Variants in TNNI3K observed in about 807,000 individuals in gnomAD.
TNNI3K encodes the protein serine/threonine-protein kinase TNNI3K.
A neutral mutation model predicts 114.5 loss-of-function variants in TNNI3K; 140 were observed. The observed-to-expected ratio is 1.22, with a 90% confidence interval of 1.07 to 1.41. TNNI3K has a LOEUF of 1.41. TNNI3K is among the 40% of genes most tolerant of loss of function. The pLI is 0.00. For synonymous variants in TNNI3K, 347 were observed against 347.5 expected (o/e 1.00, Z 0.02); for missense variants, 1,125 against 1,007.6 (o/e 1.12, Z -1.58).
intron 23 of TNNI3K, among the ~76,000 whole-genome samples, chr1:74,514,690 T>G (rs116653424): frequency 0.014 from 2,070 of 152,236 alleles, 40 homozygotes; most frequent in African/African-American, 0.045. Context: ...AAGCCATGTG[T>G]GCTCTTTTTA....
rs1208408939 is a variant in TNNI3K, at chr1:74,518,651, G to C, written c.2352-21583G>C. ...ACTGTCAGTGCAGAGGCTTCATAAT[G>C]CATCGCTAATAGTGTTTTCAAAACA... On this transcript the variant is annotated intron_variant, in intron 23 of 24. Coordinates refer to ENST00000326637, the MANE Select transcript of TNNI3K (RefSeq NM_015978.3). Among the ~76,000 whole-genome samples, 9 of 152,144 alleles carry C rather than the reference G, an allele frequency of 5.9e-5. No individual in the cohort carries two copies. In the South Asian group the frequency reaches 1.7e-3, roughly 28 times the overall value.
rs1666788838 is a variant in TNNI3K at position 74,448,139 on chromosome 1, T to C, written c.2011+8517T>C. ...GTCGGGGGAGGGGGGAGGGATAGCATTGGGAGATATACCTAATGCTAGATG... is the reference window on the plus strand; with the variant it reads ...GTCGGGGGAGGGGGGAGGGATAGCACTGGGAGATATACCTAATGCTAGATG... On this transcript the variant is annotated intron_variant, in intron 20 of 24. Transcript: ENST00000326637. Among the ~76,000 whole-genome samples, 9 of 99,632 alleles carry C rather than the reference T, an allele frequency of 9.0e-5. No homozygotes were observed. In the South Asian group the frequency reaches 2.2e-3, roughly 25 times the overall value. 65.4% of individuals were successfully genotyped at this position (99,632 alleles called of 152,430 possible). A position where few individuals can be genotyped will look rare whatever the true frequency, so the allele number is the denominator to read the frequency against.
At chr1:74,481,168 A>G (rs1397135424) in intron 21 of TNNI3K, among the ~76,000 whole-genome samples, 1 of 152,192 alleles carries the variant, frequency 6.6e-6, no homozygotes, top group Non-Finnish European at 1.5e-5. Flanking sequence ...ATGGATTTTT[A>G]TATTCTTTGC....
chr1:74,350,582 T>G (rs1661284203), intron 9 of TNNI3K, among the ~76,000 whole-genome samples: 1 of 152,168 alleles, frequency 6.6e-6, no homozygotes, highest in Non-Finnish European at 1.5e-5. Context: ...AGTCTCCCAT[T>G]ATTATTGTAT....
chr1:74,261,093 T>C (rs889100171), intron 4 of TNNI3K, among the ~76,000 whole-genome samples: 1 of 152,118 alleles, frequency 6.6e-6, no homozygotes, highest in Non-Finnish European at 1.5e-5. Flanking sequence ...TTTTCTTTGC[T>C]GCTTCTTACC....
chr1:74,389,641 G>T (rs1170651993), intron 17 of TNNI3K, among the ~76,000 whole-genome samples: 1 of 151,972 alleles, frequency 6.6e-6, no homozygotes, highest in Admixed American at 6.6e-5. Context: ...ATGTAGGCTG[G>T]GCAAGATAAA....
At chr1:74,543,088 T>C (rs1646746672) in intron 24 of TNNI3K, among the ~76,000 whole-genome samples, 1 of 127,096 alleles carries the variant, frequency 7.9e-6, no homozygotes. Flanking sequence ...TTTTTTTTTT[T>C]TTTTTGAGAT....
At chr1:74,431,553 T>A (rs1209956593) in intron 17 of TNNI3K, among the ~76,000 whole-genome samples, 3 of 152,034 alleles carry the variant, frequency 2.0e-5, no homozygotes, top group African/African-American at 7.2e-5. Flanking sequence ...AGTCAGTAAT[T>A]GGTTGAGCTA....
At chr1:74,472,240 A>G in intron 21 of TNNI3K, 1 of 713,544 alleles carries the variant, frequency 1.4e-6, no homozygotes. Context: ...CACTTAGCAG[A>G]GTTTTATTAC....
At chr1:74,335,739 G>A (rs1660429307) in intron 6 of TNNI3K, among the ~76,000 whole-genome samples, 1 of 152,166 alleles carries the variant, frequency 6.6e-6, no homozygotes, top group Non-Finnish European at 1.5e-5. Context: ...GTGAACTTCA[G>A]TTTGTAATGG....
intron 17 of TNNI3K, chr1:74,416,669 T>G (rs970200150): frequency 1.5e-6 from 1 of 649,870 alleles, no homozygotes; most frequent in Non-Finnish European, 1.9e-6. Context: ...AATTGATTTT[T>G]TTTCTTATTC....
chr1:74,437,184 G>T (rs1001307090), intron 19 of TNNI3K, among the ~76,000 whole-genome samples: 5 of 151,772 alleles, frequency 3.3e-5, no homozygotes, highest in Non-Finnish European at 7.4e-5. Flanking sequence ...ACCTTTTCTG[G>T]ATGTCTCTTT....
At chr1:74,489,142 C>T in intron 21 of TNNI3K, 47 bp from the exon 22 acceptor site, 1 of 1,544,656 alleles carries the variant, frequency 6.5e-7, no homozygotes, top group Non-Finnish European at 8.8e-7. Context: ...AAGAGAGTCT[C>T]CTTCCTTTTA....
chr1:74,309,384 A>AAAAAAAG (rs1334601552), intron 5 of TNNI3K, among the ~76,000 whole-genome samples: 2 of 148,282 alleles, frequency 1.3e-5, no homozygotes, highest in African/African-American at 4.9e-5. Flanking sequence ...AAAAAAAAGA[A>AAAAAAAG]GAGATAATAT....
chr1:74,529,776 T>A (rs1262312654), intron 23 of TNNI3K, among the ~76,000 whole-genome samples: 4 of 152,206 alleles, frequency 2.6e-5, no homozygotes, highest in Admixed American at 6.5e-5. Context: ...AAAGTTTTTT[T>A]AAGAAAGTTC....
At chr1:74,540,343 A>T (rs3895907) in intron 24 of TNNI3K, 30 bp downstream of exon 24, 1 of 1,603,040 alleles carries the variant, frequency 6.2e-7, no homozygotes, top group Non-Finnish European at 8.5e-7. Context: ...AGGTTTGTTA[A>T]GAAAACTACC....
chr1:74,369,280 A>T lies in TNNI3K; in HGVS notation c.1472+16A>T. The T allele has an allele frequency of 6.2e-7, 1 of 1,611,696 alleles. No individual in the cohort carries two copies. Among genetic ancestry groups the T allele is most frequent in the Non-Finnish European group, 8.5e-7 (1 of 1,178,900 alleles). ...CTATAAAACGGTAAGCAAGCAAATG[A>T]AAAAATTTAACATCCAGGTGGAATT... On this transcript the variant is annotated intron_variant, in intron 15 of 24. Coordinates refer to ENST00000326637, the MANE Select transcript of TNNI3K (RefSeq NM_015978.3).
At chr1:74,368,452 A>G (rs894150446) in intron 13 of TNNI3K, among the ~76,000 whole-genome samples, 1 of 151,854 alleles carries the variant, frequency 6.6e-6, no homozygotes, top group South Asian at 2.1e-4. Flanking sequence ...TTAAATTCCA[A>G]ATAGTTTCCT....
chr1:74,255,153 G>T (rs1157754663), intron 4 of TNNI3K, among the ~76,000 whole-genome samples: 1 of 151,984 alleles, frequency 6.6e-6, no homozygotes, highest in Non-Finnish European at 1.5e-5. Context: ...AGGAGATCGA[G>T]ACCATCCCGG....
Sources: allele counts gnomAD v4.1 joint callset (sites outside exome capture counted in the v4.1 genomes callset), GRCh38; gene constraint gnomAD v4.1.1; transcripts MANE v1.5; gene names NCBI Gene and HGNC (gene_info 2026-07-23, HGNC 2026-07-21).